Variants in SHC4 observed in about 807,000 individuals in gnomAD.
SHC4 encodes SHC-transforming protein 4.
In SHC4, 41 loss-of-function variants were observed where a neutral mutation model predicts 69.4. That is an observed-to-expected ratio of 0.59 (90% CI 0.46 to 0.77). The LOEUF (loss-of-function observed/expected upper bound fraction) is 0.77. Ranked by LOEUF, SHC4 falls within the 30% of genes least tolerant of loss-of-function variation. The pLI, the probability that SHC4 is intolerant of heterozygous loss-of-function variation, is 0.00. For missense variants in SHC4, 777 were observed against 783.8 expected, an observed-to-expected ratio of 0.99 and a Z score of 0.10; for synonymous variants, 318 against 299.3, an observed-to-expected ratio of 1.06 and a Z score of -0.64.
chr15:48,835,540 A>G (rs1351133611), intron 10 of SHC4, among the ~76,000 whole-genome samples: 1 of 152,132 alleles, frequency 6.6e-6, no homozygotes, highest in Non-Finnish European at 1.5e-5. Context: ...AAAACTTCAA[A>G]ACTTTGCTAA....
intron 1 of SHC4, chr15:48,948,004 A>G (rs1901304100): frequency 6.6e-6 from 1 of 152,216 alleles, no homozygotes; most frequent in African/African-American, 2.4e-5. Context: ...GAATTTCTAA[A>G]TTTAAACCTC....
intron 5 of SHC4, among the ~76,000 whole-genome samples, chr15:48,869,279 T>C (rs1899620636): frequency 6.6e-6 from 1 of 152,148 alleles, no homozygotes; most frequent in Admixed American, 6.5e-5. Context: ...AAAACAACTG[T>C]TTTTGCAAAG....
chr15:48,880,898 ATC>A (rs1043372772), intron 4 of SHC4, among the ~76,000 whole-genome samples: 1 of 150,170 alleles, frequency 6.7e-6, no homozygotes. Context: ...TGGGAAATTA[ATC>A]TCTCTGGCTC....
At position 48,878,147 on chromosome 15, in the gene SHC4, C is replaced by G. The variant is rs768852656; in HGVS notation, c.841-6005G>C. 16 of 1,519,292 alleles carry G rather than the reference C, an allele frequency of 1.1e-5. No homozygotes were observed. In the Admixed American group the frequency reaches 1.8e-4, roughly 17 times the overall value. The allele number at this position is 1,519,292 out of a possible 1,614,324, so 94.1% of individuals were successfully genotyped here. A position where few individuals can be genotyped will look rare whatever the true frequency, so the allele number is the denominator to read the frequency against. On this transcript the variant is annotated intron_variant, in intron 4 of 11. Coordinates refer to ENST00000332408, the MANE Select transcript of SHC4 (RefSeq NM_203349.4). Reference sequence around the variant, plus strand: ...CGCGCAGCATCTGTCTTGCTGGAAGCTTTTTCCTAGAGGTTGAGCGGTTTG... The same window carrying G: ...CGCGCAGCATCTGTCTTGCTGGAAGGTTTTTCCTAGAGGTTGAGCGGTTTG...
At chr15:48,938,905 G>T (rs1294780428) in intron 1 of SHC4, among the ~76,000 whole-genome samples, 1 of 152,178 alleles carries the variant, frequency 6.6e-6, no homozygotes, top group Non-Finnish European at 1.5e-5. Context: ...TTGAATCTCA[G>T]CTTTACACGT....
chr15:48,944,203 T>C (rs984603331), intron 1 of SHC4, among the ~76,000 whole-genome samples: 1 of 152,090 alleles, frequency 6.6e-6, no homozygotes, highest in African/African-American at 2.4e-5. Flanking sequence ...CTCTGTTGCA[T>C]CCATCTTAAA....
intron 10 of SHC4, among the ~76,000 whole-genome samples, chr15:48,842,615 T>A (rs1221637420): frequency 6.6e-6 from 1 of 152,060 alleles, no homozygotes; most frequent in Admixed American, 6.5e-5. Flanking sequence ...GATAGTACAA[T>A]TAGTTAAATA....
chr15:48,903,157 A>G (rs539338294), intron 2 of SHC4, among the ~76,000 whole-genome samples: 54 of 152,326 alleles, frequency 3.5e-4, no homozygotes, highest in African/African-American at 1.3e-3. Context: ...TCAATCACAT[A>G]TAATTAAAGG....
chr15:48,861,025 C>G (rs534702366), intron 6 of SHC4, among the ~76,000 whole-genome samples: 1 of 152,338 alleles, frequency 6.6e-6, no homozygotes, highest in South Asian at 2.1e-4. Flanking sequence ...TCTTATTTAT[C>G]TCAACTTTTC....
chr15:48,954,768 G>A (rs958805002), intron 1 of SHC4, among the ~76,000 whole-genome samples: 3 of 152,136 alleles, frequency 2.0e-5, no homozygotes, highest in Non-Finnish European at 2.9e-5. Context: ...CTGAGTTTTC[G>A]GCCCAGAGGC....
intron 5 of SHC4, 24 bp downstream of exon 5, chr15:48,872,065 G>T (rs749934099): frequency 1.4e-6 from 2 of 1,477,350 alleles, no homozygotes; most frequent in South Asian, 2.4e-5. Context: ...CTCATAAAAA[G>T]AACTTCTGTG....
At chr15:48,926,310 G>A (rs17384124) in intron 1 of SHC4, among the ~76,000 whole-genome samples, 16,476 of 152,100 alleles carry the variant, frequency 0.11, 992 homozygotes, top group Middle Eastern at 0.16. Flanking sequence ...GTGATCTGTT[G>A]TCTCCTCGGA....
At chr15:48,936,583 C>T (rs527717909) in intron 1 of SHC4, among the ~76,000 whole-genome samples, 3 of 152,278 alleles carry the variant, frequency 2.0e-5, no homozygotes, top group East Asian at 1.9e-4. Context: ...CTTTGCCTTC[C>T]ACCATGATTG....
chr15:48,835,766 A>C (rs1449357590), intron 10 of SHC4, among the ~76,000 whole-genome samples: 1 of 152,248 alleles, frequency 6.6e-6, no homozygotes, highest in Admixed American at 6.5e-5. Flanking sequence ...ATCCACACTC[A>C]TAATAGTGAT....
intron 4 of SHC4, chr15:48,878,554 C>T (rs1368608162): frequency 1.9e-6 from 3 of 1,614,050 alleles, no homozygotes; most frequent in Admixed American, 3.3e-5. Flanking sequence ...GAGTATCAGC[C>T]GCTCTTGAAG....
At chr15:48,939,539 C>CTTA in intron 1 of SHC4, among the ~76,000 whole-genome samples, 1 of 152,324 alleles carries the variant, frequency 6.6e-6, no homozygotes. Flanking sequence ...TCAATGAGCT[C>CTTA]TTAGAGGGCA....
In SHC4 at chr15:48,963,631, G is replaced by GTCTTGCATCCCGT. The variant is rs1313943252; in HGVS notation, c.-629_-617dup. On this transcript the variant is annotated 5_prime_UTR_variant, in exon 1 of 12. In the 5' UTR this introduces an upstream ATG that the reference lacks. Transcript: ENST00000332408. Reference sequence around the variant, plus strand: ...AGGCTGCCCTCTCTTGGAAGATCTTGTCTTGCATCCCGTTCTGGGCCACCA... The same window carrying GTCTTGCATCCCGT: ...AGGCTGCCCTCTCTTGGAAGATCTTGTCTTGCATCCCGTTCTTGCATCCCGTTCTGGGCCACCA... Among the ~76,000 whole-genome samples the GTCTTGCATCCCGT allele has an allele frequency of 6.6e-6, 1 of 152,190 alleles. No homozygotes were observed. The highest frequency in any genetic ancestry group is 1.5e-5 in the Non-Finnish European group (1 of 68,044).
chr15:48,938,521 C>T (rs1185537255), intron 1 of SHC4: 1 of 152,260 alleles, frequency 6.6e-6, no homozygotes, highest in Non-Finnish European at 1.5e-5. Flanking sequence ...TCTTCATCTT[C>T]CCAGCACACA....
At chr15:48,849,675 G>A (rs147595798) in intron 9 of SHC4, among the ~76,000 whole-genome samples, 18 of 152,296 alleles carry the variant, frequency 1.2e-4, no homozygotes, top group Admixed American at 1.1e-3. Flanking sequence ...CAAGGCATGC[G>A]TGGTACGTTC....
Sources: gnomAD v4.1 joint callset for allele counts (sites outside exome capture counted in the v4.1 genomes callset) on GRCh38, gnomAD v4.1.1 for gene constraint, MANE v1.5 for transcripts, NCBI Gene and HGNC (gene_info 2026-07-23, HGNC 2026-07-21) for gene names.